Variants in LRRC8D observed in about 807,000 individuals in gnomAD.
LRRC8D encodes the protein leucine rich repeat containing 8 VRAC subunit D.
LRRC8D carries 20 observed loss-of-function variants against 55.8 expected under a neutral mutation model. The observed-to-expected ratio is 0.36, with a 90% CI of 0.25 to 0.52. LRRC8D has a LOEUF of 0.52. LRRC8D is among the 20% of genes least tolerant of loss of function. The pLI, the probability that LRRC8D is intolerant of heterozygous loss-of-function variation, is 0.93. For missense variants in LRRC8D, 651 were observed against 1,030.8 expected (o/e 0.63, Z 5.05); for synonymous variants, 352 against 377.0 (o/e 0.93, Z 0.77).
rs757755201 is a variant in LRRC8D at position 89,934,799 on chromosome 1, G to A, written c.1731G>A (p.Lys577=). ...GCAATTTGAACTCTGAAAACAATAA[G>A]ATGATAGGACTTGAATCTCTCCGAG... ...LIGNLNSENN[K]MIGLESLREL... The change falls in exon 3 of 3, where the codon AAG becomes AAA. Residue 577 remains lysine (K), a synonymous_variant. Coordinates refer to ENST00000337338, the MANE Select transcript of LRRC8D (RefSeq NM_001134479.2). This position sits in a 1 kb window ranked among gnomAD's most constrained non-coding sequence, Gnocchi z 5.9. 3 of 1,614,124 alleles carry A rather than the reference G, an allele frequency of 1.9e-6. No individual in the cohort carries two copies. Among genetic ancestry groups the A allele is most frequent in the Non-Finnish European group, 2.5e-6 (3 of 1,180,042 alleles).
At chr1:89,863,799 G>A (rs1317920871) in intron 2 of LRRC8D, among the ~76,000 whole-genome samples, 4 of 152,094 alleles carry the variant, frequency 2.6e-5, no homozygotes, top group Admixed American at 6.6e-5. Context: ...AAATTGCTTT[G>A]TTCCGGTTTT....
chr1:89,865,033 A>G (rs1661807867), intron 2 of LRRC8D, among the ~76,000 whole-genome samples: 1 of 152,244 alleles, frequency 6.6e-6, no homozygotes, highest in East Asian at 1.9e-4. Context: ...TTTCCATAGA[A>G]CATTTTACAT....
At chr1:89,916,855 A>T (rs564617689) in intron 2 of LRRC8D, among the ~76,000 whole-genome samples, 14 of 152,360 alleles carry the variant, frequency 9.2e-5, no homozygotes, top group Admixed American at 7.8e-4. Flanking sequence ...GGGTAGGAAC[A>T]TTCAATGAGC....
At chr1:89,859,333 A>C (rs1271026469) in intron 2 of LRRC8D, among the ~76,000 whole-genome samples, 1 of 152,112 alleles carries the variant, frequency 6.6e-6, no homozygotes. Flanking sequence ...AATGATAAAA[A>C]TTCTAGGAGT....
At chr1:89,877,590 A>G (rs1197867955) in intron 2 of LRRC8D, among the ~76,000 whole-genome samples, 4 of 152,164 alleles carry the variant, frequency 2.6e-5, no homozygotes, top group Non-Finnish European at 5.9e-5. Flanking sequence ...AGTAATTTGT[A>G]TATTAACCTG....
At chr1:89,847,143 A>G (rs1458486656) in intron 2 of LRRC8D, among the ~76,000 whole-genome samples, 1 of 152,164 alleles carries the variant, frequency 6.6e-6, no homozygotes, top group Non-Finnish European at 1.5e-5. Flanking sequence ...GTAGCGCTTA[A>G]AGTTGAGGCT....
chr1:89,926,890 T>C (rs186405353), intron 2 of LRRC8D, among the ~76,000 whole-genome samples: 1 of 152,354 alleles, frequency 6.6e-6, no homozygotes, highest in East Asian at 1.9e-4. Flanking sequence ...TTATTTAATG[T>C]CCACAACTTC....
intron 1 of LRRC8D, among the ~76,000 whole-genome samples, chr1:89,834,374 G>T (rs1557441904): frequency 6.6e-6 from 1 of 152,084 alleles, no homozygotes; most frequent in South Asian, 2.1e-4. Context: ...GTCCACAGTG[G>T]GCCACTTTTC....
chr1:89,870,436 A>C (rs760371102), intron 2 of LRRC8D, among the ~76,000 whole-genome samples: 1 of 152,128 alleles, frequency 6.6e-6, no homozygotes, highest in Non-Finnish European at 1.5e-5. Context: ...AGATCGTGTC[A>C]CTGCACTCTA....
chr1:89,861,128 A>G (rs12074741), intron 2 of LRRC8D, among the ~76,000 whole-genome samples: 20,242 of 152,056 alleles, frequency 0.13, 1,503 homozygotes, highest in Non-Finnish European at 0.17. Flanking sequence ...TTGAAACTTC[A>G]TGGGAGGGTG....
chr1:89,824,749 G>A (rs143534368), intron 1 of LRRC8D, among the ~76,000 whole-genome samples: 28 of 152,228 alleles, frequency 1.8e-4, no homozygotes, highest in Non-Finnish European at 2.4e-4. Context: ...GTGGTTTCTC[G>A]ATGTCTTCTC....
At chr1:89,895,584 C>A (rs1473468283) in intron 2 of LRRC8D, among the ~76,000 whole-genome samples, 1 of 152,014 alleles carries the variant, frequency 6.6e-6, no homozygotes, top group African/African-American at 2.4e-5. Flanking sequence ...TCTATGTGAA[C>A]AAATTTGACA....
chr1:89,916,049 G>A (rs547336856), intron 2 of LRRC8D, among the ~76,000 whole-genome samples: 41 of 152,294 alleles, frequency 2.7e-4, no homozygotes, highest in African/African-American at 9.1e-4. Context: ...AGGTTTAAGC[G>A]TGTTTATGAA....
intron 2 of LRRC8D, among the ~76,000 whole-genome samples, chr1:89,875,155 T>G (rs193165853): frequency 1.3e-5 from 2 of 152,340 alleles, no homozygotes; most frequent in Admixed American, 1.3e-4. Context: ...CGGTAGAATC[T>G]TTTGGAATTG....
chr1:89,824,901 G>C (rs1222393451), intron 1 of LRRC8D, among the ~76,000 whole-genome samples: 5 of 152,124 alleles, frequency 3.3e-5, no homozygotes, highest in Non-Finnish European at 7.3e-5. Context: ...GCTTACAACT[G>C]CCTATGATTT....
At chr1:89,926,578 C>T (rs1663571002) in intron 2 of LRRC8D, among the ~76,000 whole-genome samples, 2 of 152,198 alleles carry the variant, frequency 1.3e-5, no homozygotes, top group Non-Finnish European at 2.9e-5. Flanking sequence ...ATAACACAGG[C>T]ATTGGATGAT....
intron 2 of LRRC8D, among the ~76,000 whole-genome samples, chr1:89,849,807 A>G (rs569180408): frequency 6.6e-6 from 1 of 152,154 alleles, no homozygotes; most frequent in Admixed American, 6.5e-5. Context: ...AGACATTGTA[A>G]CTTTCTTCTA....
intron 1 of LRRC8D, among the ~76,000 whole-genome samples, chr1:89,837,315 G>T (rs1006315193): frequency 6.6e-6 from 1 of 152,134 alleles, no homozygotes; most frequent in African/African-American, 2.4e-5. Flanking sequence ...TCAGCCTAGT[G>T]CCCCTAGACA....
At chr1:89,922,957 A>T (rs1215527174) in intron 2 of LRRC8D, among the ~76,000 whole-genome samples, 1 of 152,186 alleles carries the variant, frequency 6.6e-6, no homozygotes, top group East Asian at 1.9e-4. Flanking sequence ...TCCAACAACC[A>T]TGTCTTCTGA....
Sources: gnomAD v4.1 joint callset for allele counts (sites outside exome capture counted in the v4.1 genomes callset) on GRCh38, gnomAD v4.1.1 for gene constraint, Gnocchi (gnomAD v3.1) non-coding constraint, MANE v1.5 for transcripts, NCBI Gene and HGNC (gene_info 2026-07-23, HGNC 2026-07-21) for gene names.